The following CFAP299 variants were observed in gnomAD, a reference collection of about 807,000 sequenced individuals.
CFAP299 encodes the protein cilia- and flagella-associated protein 299.
In CFAP299, 21 loss-of-function variants were observed where a neutral mutation model predicts 27.0. The ratio of observed to expected loss-of-function variants is 0.78; its 90% CI spans 0.55 to 1.12. CFAP299 has a LOEUF of 1.12. Among genes scored for constraint, CFAP299 ranks in the 50% most tolerant of loss-of-function variants. The pLI is 0.00. For synonymous variants in CFAP299, 104 were observed against 98.1 expected, an observed-to-expected ratio of 1.06 and a Z score of -0.36; for missense variants, 310 against 276.6, an observed-to-expected ratio of 1.12 and a Z score of -0.86.
chr4:80,692,059 G>C (rs565998216), intron 3 of CFAP299, among the ~76,000 whole-genome samples: 2 of 152,146 alleles, frequency 1.3e-5, no homozygotes, highest in Non-Finnish European at 2.9e-5. Flanking sequence ...ACAAACAAAT[G>C]GAAGAGCATT....
At chr4:80,557,023 T>A (rs1416285903) in intron 2 of CFAP299, among the ~76,000 whole-genome samples, 1 of 152,132 alleles carries the variant, frequency 6.6e-6, no homozygotes, top group Non-Finnish European at 1.5e-5. Flanking sequence ...CAAATCTGTC[T>A]AATTTTAATC....
rs62302193 is a variant in CFAP299 at position 80,689,524 on chromosome 4, C to A, written c.333+106341C>A. 9.8e-3 allele frequency among the ~76,000 whole-genome samples: 1,493 copies of A among 152,248 alleles called. 19 individuals carry two copies. Among genetic ancestry groups the A allele is most frequent in the Non-Finnish European group, 0.017 (1,128 of 68,008 alleles). ...TTTTGTCACCACCAGGCCTGCCCTA[C>A]AAGAGCTCCTGAAGGAAGTGCTAAA... is the stretch of plus-strand genomic sequence containing the variant. On this transcript the variant is annotated intron_variant, in intron 3 of 5. Transcript: ENST00000358105.
rs539104385 is a variant in CFAP299, at chr4:80,498,093, C to T, written c.243-85000C>T. Among the ~76,000 whole-genome samples the T allele has an allele frequency of 6.0e-4, 91 of 152,238 alleles. 1 individual carries two copies. Among genetic ancestry groups the T allele is most frequent in the African/African-American group, 2.0e-3 (85 of 41,540 alleles). On this transcript the variant is annotated intron_variant, in intron 2 of 5. Transcript: ENST00000358105. ...TCCCTTCACCATATACAAAAATCAA[C>T]TCAGGATGGATTAATGACTTAAATG...
chr4:80,474,876 A>T (rs192570711), intron 2 of CFAP299, among the ~76,000 whole-genome samples: 1 of 152,324 alleles, frequency 6.6e-6, no homozygotes, highest in East Asian at 1.9e-4. Flanking sequence ...TAATGAGATC[A>T]ATTCAAAATG....
At chr4:80,634,945 T>C (rs769190512) in intron 3 of CFAP299, among the ~76,000 whole-genome samples, 64 of 152,224 alleles carry the variant, frequency 4.2e-4, no homozygotes, top group Non-Finnish European at 7.5e-4. Context: ...AAACAAAATA[T>C]GAATAGTAAA....
intron 3 of CFAP299, among the ~76,000 whole-genome samples, chr4:80,765,066 C>T (rs189549984): frequency 4.0e-5 from 6 of 151,860 alleles, no homozygotes; most frequent in South Asian, 2.1e-4. Context: ...ATTCTGCACA[C>T]GTATCCCAGA....
intron 3 of CFAP299, among the ~76,000 whole-genome samples, chr4:80,644,349 A>G (rs899887047): frequency 1.3e-5 from 2 of 152,078 alleles, no homozygotes; most frequent in Admixed American, 1.3e-4. Context: ...TCATTGTTTT[A>G]TTGTTTCATT....
At chr4:80,444,012 G>A (rs986361756) in intron 2 of CFAP299, among the ~76,000 whole-genome samples, 1 of 152,070 alleles carries the variant, frequency 6.6e-6, no homozygotes, top group Non-Finnish European at 1.5e-5. Flanking sequence ...ACAAACCACT[G>A]CTCAAGGAAA....
intron 4 of CFAP299, among the ~76,000 whole-genome samples, chr4:80,881,626 A>G (rs1222871350): frequency 6.6e-6 from 1 of 152,194 alleles, no homozygotes; most frequent in Admixed American, 6.5e-5. Context: ...CTGGACTAGT[A>G]CATAAAGCTT....
At chr4:80,898,999 T>C (rs1487511094) in intron 4 of CFAP299, among the ~76,000 whole-genome samples, 1 of 152,218 alleles carries the variant, frequency 6.6e-6, no homozygotes, top group East Asian at 1.9e-4. Flanking sequence ...TAGGTAAAGA[T>C]CTCTATCATA....
chr4:80,590,382 T>G (rs1736667885), intron 3 of CFAP299, among the ~76,000 whole-genome samples: 1 of 152,164 alleles, frequency 6.6e-6, no homozygotes, highest in Admixed American at 6.5e-5. Context: ...CTCATGCCTG[T>G]AATACTAGCA....
At chr4:80,688,046 C>G (rs893707570) in intron 3 of CFAP299, among the ~76,000 whole-genome samples, 11 of 152,218 alleles carry the variant, frequency 7.2e-5, no homozygotes, top group Non-Finnish European at 5.9e-5. Context: ...CCTACACCCA[C>G]GGAGTCTCGC....
intron 3 of CFAP299, among the ~76,000 whole-genome samples, chr4:80,600,806 G>C (rs1465772236): frequency 6.6e-6 from 1 of 152,144 alleles, no homozygotes; most frequent in Non-Finnish European, 1.5e-5. Flanking sequence ...GGTAAAGATA[G>C]TAGGCTATAA....
intron 2 of CFAP299, among the ~76,000 whole-genome samples, chr4:80,395,873 G>T (rs778640499): frequency 7.2e-5 from 11 of 152,008 alleles, no homozygotes; most frequent in Admixed American, 1.3e-4. Context: ...TCAGTTACTG[G>T]TGACTGCATT....
chr4:80,668,203 A>G (rs1055201409), intron 3 of CFAP299, among the ~76,000 whole-genome samples: 1 of 150,206 alleles, frequency 6.7e-6, no homozygotes, highest in Non-Finnish European at 1.5e-5. Context: ...TAGTCTGGTT[A>G]TTAATTTCTT....
intron 5 of CFAP299, among the ~76,000 whole-genome samples, chr4:80,948,960 AC>A (rs1222796287): frequency 6.6e-6 from 1 of 152,160 alleles, no homozygotes; most frequent in Admixed American, 6.5e-5. Context: ...CAAATAAGTC[AC>A]AAAAAATGCA....
At chr4:80,802,181 G>A (rs1210504796) in intron 3 of CFAP299, among the ~76,000 whole-genome samples, 1 of 151,980 alleles carries the variant, frequency 6.6e-6, no homozygotes, top group Non-Finnish European at 1.5e-5. Context: ...TTTTACAAAA[G>A]AAAGACTATT....
In CFAP299 at chr4:80,900,123, A is replaced by AGTGTGTGTGTGTGTGTGTGT. The variant is rs3038537; in HGVS notation, c.476+30007_476+30026dup. Among the ~76,000 whole-genome samples the AGTGTGTGTGTGTGTGTGTGT allele has an allele frequency of 5.2e-3, 723 of 139,874 alleles. 11 individuals carry two copies. Among genetic ancestry groups the AGTGTGTGTGTGTGTGTGTGT allele is most frequent in the Middle Eastern group, 0.011 (3 of 270 alleles). The allele number at this position is 139,874 out of a possible 152,430, so 91.8% of individuals were successfully genotyped here. ...AATAAATGACATAAAAGTGGAAGAAAGTGTGTGTGTGTGTGTGTGTGTGTG... is the reference window on the plus strand; with the variant it reads ...AATAAATGACATAAAAGTGGAAGAAAGTGTGTGTGTGTGTGTGTGTGTGTGTGTGTGTGTGTGTGTGTGTG... On this transcript the variant is annotated intron_variant, in intron 4 of 5. Coordinates refer to ENST00000358105, the MANE Select transcript of CFAP299 (RefSeq NM_152770.3).
chr4:80,347,106 A>G lies in CFAP299; in HGVS notation c.111+11227A>G, dbSNP rs565646593. On this transcript the variant is annotated intron_variant, in intron 1 of 5. Coordinates refer to ENST00000358105, the MANE Select transcript of CFAP299 (RefSeq NM_152770.3). ...TATTGGTGTTTAGGAATGCTTGTGA[A>G]TTTTGCACATTGATTTTGTATCCTG... is the stretch of plus-strand genomic sequence containing the variant. 3.3e-5 allele frequency among the ~76,000 whole-genome samples: 5 copies of G among 152,104 alleles called. No homozygotes were observed. The East Asian group carries it at 9.7e-4, about 30-fold the overall frequency.
Sources: allele counts gnomAD v4.1 joint callset (sites outside exome capture counted in the v4.1 genomes callset), GRCh38; gene constraint gnomAD v4.1.1; transcripts MANE v1.5; gene names NCBI Gene and HGNC (gene_info 2026-07-23, HGNC 2026-07-21).